Variants in PCNT observed in about 807,000 individuals in gnomAD.
PCNT encodes kendrin.
PCNT carries 319 observed loss-of-function variants against 380.4 expected under a neutral mutation model. That is an observed-to-expected ratio of 0.84 (90% CI 0.77 to 0.92). The LOEUF is 0.92. Ranked by LOEUF, PCNT falls within the 40% of genes least tolerant of loss-of-function variation. PCNT has a pLI of 0.00. For synonymous variants in PCNT, 1,845 were observed against 1,735.2 expected, an observed-to-expected ratio of 1.06 and a Z score of -1.57; for missense variants, 4,400 against 4,255.3, an observed-to-expected ratio of 1.03 and a Z score of -0.95.
chr21:46,326,648 T>C, intron 2 of PCNT, 59 bp downstream of exon 2: 1 of 1,517,166 alleles, frequency 6.6e-7, no homozygotes, highest in Non-Finnish European at 9.2e-7. Flanking sequence ...ATTTCTAGTG[T>C]GATTTACTAA....
intron 14 of PCNT, among the ~76,000 whole-genome samples, chr21:46,365,304 TCTATTCA>T (rs2084863290): frequency 2.0e-5 from 3 of 149,648 alleles, no homozygotes; most frequent in Non-Finnish European, 3.0e-5. Context: ...GCCATGGGGT[TCTATTCA>T]CTGCCATGGG....
At chr21:46,366,471 G>T in intron 14 of PCNT, 113 bp from the exon 15 acceptor site, 1 of 880,374 alleles carries the variant, frequency 1.1e-6, no homozygotes, top group Non-Finnish European at 1.9e-6. Context: ...ATCCCGAAAC[G>T]ATGACCTGAA....
chr21:46,443,547 C>T (rs1016874815), intron 44 of PCNT, among the ~76,000 whole-genome samples: 4 of 152,208 alleles, frequency 2.6e-5, no homozygotes, highest in Non-Finnish European at 5.9e-5. Context: ...CGGATAGAGG[C>T]AGGACCCCCA....
intron 32 of PCNT, among the ~76,000 whole-genome samples, chr21:46,423,158 T>A (rs976898122): frequency 8.7e-6 from 1 of 114,802 alleles, no homozygotes; most frequent in African/African-American, 2.8e-5. Context: ...ACATGGAAAT[T>A]GGAGATTTTT....
intron 2 of PCNT, among the ~76,000 whole-genome samples, chr21:46,330,227 C>G (rs1042639699): frequency 1.3e-5 from 2 of 152,104 alleles, no homozygotes; most frequent in Non-Finnish European, 2.9e-5. Flanking sequence ...AAGTGACCCT[C>G]CTGCCTCAGC....
chr21:46,365,628 ATCACTGCCATGGGGTTCTAT>A (rs1320610639), intron 14 of PCNT, among the ~76,000 whole-genome samples: 6 of 71,806 alleles, frequency 8.4e-5, no homozygotes, highest in Admixed American at 7.8e-4. Context: ...TGGGGTTCTG[ATCACTGCCATGGGGTTCTAT>A]TCACTGCCAT....
intron 45 of PCNT, 139 bp downstream of exon 45, chr21:46,444,087 G>C: frequency 1.1e-6 from 1 of 930,932 alleles, no homozygotes; most frequent in Non-Finnish European, 1.6e-6. Context: ...GTGAGTCCGT[G>C]AGGGCCAAGA....
rs2053672533 is a variant in PCNT, at chr21:46,443,709, T to C, written c.9701-101T>C. The C allele has an allele frequency of 2.7e-6, 3 of 1,121,204 alleles. No individual in the cohort carries two copies. In the South Asian group the frequency reaches 3.7e-5, roughly 14 times the overall value. 69.5% of individuals were successfully genotyped at this position (1,121,204 alleles called of 1,614,324 possible). A position where few individuals can be genotyped will look rare whatever the true frequency, so the allele number is the denominator to read the frequency against. ...AATGTCTTAAAATTGCCATACAGGC[T>C]CTTAAAAGCTTATACGTTTAAACTG... On this transcript the variant is annotated intron_variant, in intron 44 of 46. Coordinates refer to ENST00000359568, the MANE Select transcript of PCNT (RefSeq NM_006031.6).
intron 4 of PCNT, 80 bp downstream of exon 4, chr21:46,346,288 T>TGGGGGGGGGGGGG: frequency 6.1e-5 from 33 of 540,858 alleles, no homozygotes; most frequent in Middle Eastern, 4.0e-4. Flanking sequence ...CGGGTGGGGG[T>TGGGGGGGGGGGGG]GGGGTGGGCG....
intron 29 of PCNT, among the ~76,000 whole-genome samples, chr21:46,414,718 G>T (rs2086947350): frequency 3.6e-5 from 1 of 27,432 alleles, no homozygotes; most frequent in African/African-American, 1.2e-4. Flanking sequence ...CCTCCTCCTG[G>T]ACACACAGCT....
chr21:46,419,234 C>T (rs2087148820), intron 31 of PCNT, among the ~76,000 whole-genome samples: 1 of 152,110 alleles, frequency 6.6e-6, no homozygotes, highest in South Asian at 2.1e-4. Context: ...GTAGGGCCAG[C>T]AGCTTTTTAA....
At chr21:46,443,680 T>A in intron 44 of PCNT, 130 bp from the exon 45 acceptor site, 1 of 915,780 alleles carries the variant, frequency 1.1e-6, no homozygotes, top group Non-Finnish European at 1.8e-6. Context: ...TTGAGCACTT[T>A]AAAAATGTCT....
intron 15 of PCNT, among the ~76,000 whole-genome samples, chr21:46,377,914 G>A (rs184529294): frequency 1.5e-5 from 2 of 132,788 alleles, no homozygotes; most frequent in African/African-American, 6.3e-5. Flanking sequence ...CCCATGCCTG[G>A]TGATGTGCCG....
rs530912319 is a variant in PCNT at position 46,372,735 on chromosome 21, T to C, written c.3165+5596T>C. The stretch of plus-strand genomic sequence containing the variant: ...GAGAATGGGTGATGCAGCGCCGGAT[T>C]CTGAGGTTAGAAATGACTTGTTTCT... On this transcript the variant is annotated intron_variant, in intron 15 of 46. Coordinates refer to ENST00000359568, the MANE Select transcript of PCNT (RefSeq NM_006031.6). 1.1e-4 allele frequency among the ~76,000 whole-genome samples: 16 copies of C among 152,232 alleles called. No homozygotes were observed. In the Middle Eastern group the frequency reaches 0.01, roughly 97 times the overall value.
At chr21:46,370,746 T>A (rs1295896065) in intron 15 of PCNT, among the ~76,000 whole-genome samples, 1 of 151,932 alleles carries the variant, frequency 6.6e-6, no homozygotes, top group Non-Finnish European at 1.5e-5. Flanking sequence ...CTTCTAAAAA[T>A]AAAAATCGGC....
chr21:46,360,387 C>A (rs2084665092), intron 13 of PCNT, among the ~76,000 whole-genome samples: 1 of 34,702 alleles, frequency 2.9e-5, no homozygotes. Flanking sequence ...CCACGCCTGG[C>A]TAGTTTTTTT....
In PCNT at chr21:46,324,273, G is replaced by C. The variant is rs754779957; in HGVS notation, c.45G>C (p.Gly15=). Residue 15 remains glycine (G), a synonymous_variant, in exon 1 of 47, where the codon GGG becomes GGC. Coordinates refer to ENST00000359568, the MANE Select transcript of PCNT (RefSeq NM_006031.6). ...QEQRRRKVEA[G]RTKLAHFRQR... ...AGCGGCGCAGAAAGGTGGAGGCCGGGAGGACGAAGGTAAACATTAGGGGCT... is the reference window on the plus strand; with the variant it reads ...AGCGGCGCAGAAAGGTGGAGGCCGGCAGGACGAAGGTAAACATTAGGGGCT... 2.4e-5 allele frequency: 38 copies of C among 1,611,202 alleles called. No homozygotes were observed. The highest frequency in any genetic ancestry group is 3.1e-5 in the Non-Finnish European group (37 of 1,178,626).
At chr21:46,387,153 G>C (rs905110800) in intron 17 of PCNT, among the ~76,000 whole-genome samples, 1 of 152,224 alleles carries the variant, frequency 6.6e-6, no homozygotes, top group Non-Finnish European at 1.5e-5. Context: ...GGGCTTATGG[G>C]ACCCTCTGAG....
At chr21:46,341,260 C>A (rs1025670597) in intron 3 of PCNT, among the ~76,000 whole-genome samples, 1 of 152,102 alleles carries the variant, frequency 6.6e-6, no homozygotes, top group Non-Finnish European at 1.5e-5. Flanking sequence ...GTGGGTGCCA[C>A]TTCTCAGGAT....
Sources: gnomAD v4.1 joint callset for allele counts (sites outside exome capture counted in the v4.1 genomes callset) on GRCh38, gnomAD v4.1.1 for gene constraint, MANE v1.5 for transcripts, NCBI Gene and HGNC (gene_info 2026-07-23, HGNC 2026-07-21) for gene names.